CEP70: variants seen among roughly 807,000 people sequenced by gnomAD.
CEP70 encodes centrosomal protein 70.
A neutral mutation model predicts 90.9 loss-of-function variants in CEP70; 70 were observed. The ratio of observed to expected loss-of-function variants is 0.77; its 90% CI spans 0.64 to 0.94. CEP70 has a LOEUF of 0.94. Ranked by LOEUF, CEP70 falls within the 40% of genes least tolerant of loss-of-function variation. The pLI is 0.00. For synonymous variants in CEP70, 220 were observed against 228.3 expected (o/e 0.96, Z 0.33); for missense variants, 648 against 669.0 (o/e 0.97, Z 0.35).
chr3:138,540,628 A>G (rs1201074675), intron 6 of CEP70, among the ~76,000 whole-genome samples: 1 of 152,332 alleles, frequency 6.6e-6, no homozygotes, highest in Non-Finnish European at 1.5e-5. Context: ...GAAAGGGAAC[A>G]CTTATACACT....
chr3:138,585,165 C>T (rs1211735895), intron 2 of CEP70, among the ~76,000 whole-genome samples: 1 of 152,128 alleles, frequency 6.6e-6, no homozygotes, highest in Non-Finnish European at 1.5e-5. Flanking sequence ...CACCAAAAAG[C>T]TATTTGAACT....
intron 17 of CEP70, chr3:138,496,766 C>G (rs951227487): frequency 1.0e-6 from 1 of 985,450 alleles, no homozygotes; most frequent in Admixed American, 6.1e-5. Flanking sequence ...AACACCAGAA[C>G]TTCAACTTTG....
intron 2 of CEP70, 93 bp downstream of exon 2, chr3:138,591,761 T>C (rs1285638296): frequency 2.6e-5 from 27 of 1,019,602 alleles, no homozygotes; most frequent in Middle Eastern, 2.0e-4. Context: ...CAAAAGGAAA[T>C]ATATGTAATG....
chr3:138,565,492 T>C (rs1436846927), intron 6 of CEP70, among the ~76,000 whole-genome samples: 1 of 152,088 alleles, frequency 6.6e-6, no homozygotes, highest in African/African-American at 2.4e-5. Flanking sequence ...AAAACAGATA[T>C]ATAGATCAAT....
At chr3:138,566,104 T>C (rs1200459486) in intron 6 of CEP70, among the ~76,000 whole-genome samples, 2 of 152,128 alleles carry the variant, frequency 1.3e-5, no homozygotes, top group Non-Finnish European at 2.9e-5. Context: ...ATTAGAGAAA[T>C]GCAAATCAAA....
At chr3:138,549,633 G>A (rs1191691342) in intron 6 of CEP70, among the ~76,000 whole-genome samples, 2 of 152,054 alleles carry the variant, frequency 1.3e-5, no homozygotes, top group Non-Finnish European at 2.9e-5. Context: ...ATCTGCTCTG[G>A]TAGCTGAAGA....
Position 138,587,956 on chromosome 3 carries a change from T to C in CEP70, c.-6+3898A>G, listed in dbSNP as rs148309564. On this transcript the variant is annotated intron_variant, in intron 2 of 17. Coordinates refer to ENST00000264982, the MANE Select transcript of CEP70 (RefSeq NM_024491.4). The stretch of plus-strand genomic sequence containing the variant: ...GACTCATACATATATGGACAACTAA[T>C]TTTCACCAAAGATACGAAGGTAATT... Among the ~76,000 whole-genome samples the C allele has an allele frequency of 8.8e-4, 133 of 151,306 alleles. No homozygotes were observed. In the Middle Eastern group the frequency reaches 0.017, roughly 19 times the overall value.
chr3:138,545,937 C>G (rs927585082), intron 6 of CEP70, among the ~76,000 whole-genome samples: 2 of 152,146 alleles, frequency 1.3e-5, no homozygotes, highest in Non-Finnish European at 2.9e-5. Context: ...ATGTGCACAG[C>G]TGAACACAGA....
intron 7 of CEP70, among the ~76,000 whole-genome samples, chr3:138,535,857 TCTC>T (rs1268185246): frequency 5.3e-5 from 8 of 152,070 alleles, no homozygotes; most frequent in African/African-American, 9.7e-5. Context: ...CTTCCTTACC[TCTC>T]CTATTTTTCT....
chr3:138,497,899 G>T, intron 17 of CEP70, 132 bp downstream of exon 17: 1 of 1,496,130 alleles, frequency 6.7e-7, no homozygotes, highest in Non-Finnish European at 8.8e-7. Context: ...TGTAAGGAAT[G>T]TGTTTCCAGA....
chr3:138,507,701 G>C (rs999704020), intron 12 of CEP70, among the ~76,000 whole-genome samples: 5 of 152,140 alleles, frequency 3.3e-5, no homozygotes, highest in African/African-American at 1.2e-4. Flanking sequence ...GTATAAATGA[G>C]TGACGTAAGG....
At chr3:138,568,005 T>C (rs1368632363) in intron 6 of CEP70, among the ~76,000 whole-genome samples, 1 of 152,156 alleles carries the variant, frequency 6.6e-6, no homozygotes, top group African/African-American at 2.4e-5. Context: ...GGTTTGCTGA[T>C]TTCTGTTTAC....
At chr3:138,590,792 C>A (rs936344275) in intron 2 of CEP70, among the ~76,000 whole-genome samples, 1 of 151,472 alleles carries the variant, frequency 6.6e-6, no homozygotes, top group Non-Finnish European at 1.5e-5. Flanking sequence ...GCCTGGACAA[C>A]AGAATGAGAC....
intron 7 of CEP70, 78 bp downstream of exon 7, chr3:138,537,100 C>T (rs1210747906): frequency 9.4e-7 from 1 of 1,058,780 alleles, no homozygotes; most frequent in East Asian, 2.8e-5. Context: ...TAACCACCCC[C>T]AAGATAATAT....
At chr3:138,515,467 CAAAA>C (rs145902706) in intron 11 of CEP70, among the ~76,000 whole-genome samples, 1 of 65,388 alleles carries the variant, frequency 1.5e-5, no homozygotes, top group African/African-American at 6.1e-5. Flanking sequence ...CATAGAAATG[CAAAA>C]AAAAAAAAAA....
chr3:138,559,943 A>G (rs150919862), intron 6 of CEP70, among the ~76,000 whole-genome samples: 1 of 152,326 alleles, frequency 6.6e-6, no homozygotes, highest in East Asian at 1.9e-4. Context: ...TAAGGTGACA[A>G]ATACCAAGTG....
chr3:138,550,386 G>A (rs941122825), intron 6 of CEP70, among the ~76,000 whole-genome samples: 3 of 152,164 alleles, frequency 2.0e-5, no homozygotes, highest in Non-Finnish European at 4.4e-5. Context: ...TTTTTGAGAC[G>A]GAGTTTCGCT....
At chr3:138,592,695 G>T (rs2108300533) in intron 1 of CEP70, among the ~76,000 whole-genome samples, 1 of 152,082 alleles carries the variant, frequency 6.6e-6, no homozygotes, top group South Asian at 2.1e-4. Context: ...GCCCTTTATA[G>T]GTCTGAAGCC....
At chr3:138,544,357 C>CAAAAAA (rs59364039) in intron 6 of CEP70, among the ~76,000 whole-genome samples, 21 of 136,040 alleles carry the variant, frequency 1.5e-4, no homozygotes, top group African/African-American at 5.4e-4. Context: ...ACTCAAAAGA[C>CAAAAAA]AAAAAAAAAA....
Sources: allele counts gnomAD v4.1 joint callset (sites outside exome capture counted in the v4.1 genomes callset), GRCh38; gene constraint gnomAD v4.1.1; transcripts MANE v1.5; gene names NCBI Gene and HGNC (gene_info 2026-07-23, HGNC 2026-07-21).